The following SYNE1 variants were observed in gnomAD, a reference collection of about 807,000 sequenced individuals.
The protein encoded by SYNE1 is spectrin repeat containing nuclear envelope protein 1.
In SYNE1, 616 loss-of-function variants were observed where a neutral mutation model predicts 1,111.0. The observed-to-expected ratio is 0.55, with a 90% confidence interval of 0.52 to 0.59. SYNE1 has a LOEUF of 0.59. Ranked by LOEUF, SYNE1 falls within the 20% of genes least tolerant of loss-of-function variation. SYNE1 has a pLI of 0.00. For synonymous variants in SYNE1, 3,855 were observed against 3,825.8 expected (o/e 1.01, Z -0.28); for missense variants, 10,006 against 10,417.0 (o/e 0.96, Z 1.72).
chr6:152,365,633 T>C (rs1048236126), intron 62 of SYNE1, among the ~76,000 whole-genome samples: 1 of 146,884 alleles, frequency 6.8e-6, no homozygotes, highest in Non-Finnish European at 1.5e-5. Flanking sequence ...CTAATTTAAA[T>C]GTTTTTTTTT....
intron 127 of SYNE1, among the ~76,000 whole-genome samples, chr6:152,193,782 T>C (rs530399828): frequency 2.5e-4 from 38 of 151,998 alleles, no homozygotes; most frequent in South Asian, 8.3e-4. Flanking sequence ...GGGGCCAAGG[T>C]GGGCAGATCA....
At chr6:152,343,846 G>A (rs954655191) in intron 74 of SYNE1, among the ~76,000 whole-genome samples, 1 of 152,116 alleles carries the variant, frequency 6.6e-6, no homozygotes, top group Admixed American at 6.5e-5. Flanking sequence ...GGGATTGCAG[G>A]CATGAGCCAC....
chr6:152,301,781 C>T, intron 92 of SYNE1, 88 bp downstream of exon 92: 1 of 1,388,542 alleles, frequency 7.2e-7, no homozygotes, highest in East Asian at 2.4e-5. Context: ...AAGGCTGGTC[C>T]CTGAAATCAG....
chr6:152,335,929 T>C (rs1405045434), intron 76 of SYNE1: 2 of 152,030 alleles, frequency 1.3e-5, no homozygotes, highest in Non-Finnish European at 2.9e-5. Flanking sequence ...TCAAGTGATC[T>C]GCCCACCTCA....
rs758766276 is a variant in SYNE1, at chr6:152,180,336, G to A, written c.23302-42C>T. 3.1e-6 allele frequency: 5 copies of A among 1,597,712 alleles called. No homozygotes were observed. The East Asian group carries it at 1.1e-4, about 36-fold the overall frequency. On this transcript the variant is annotated intron_variant, in intron 128 of 145. Transcript: ENST00000367255. ...GGGAGAATAGGCAAAATGATTATCA[G>A]AGAGAAGACCACACTCCAAGGAAAA...
chr6:152,209,155 T>G (rs555517986), intron 124 of SYNE1, among the ~76,000 whole-genome samples: 18 of 152,236 alleles, frequency 1.2e-4, no homozygotes, highest in Non-Finnish European at 2.4e-4. Flanking sequence ...ACTTCTCTAT[T>G]ACAATAGTTT....
At chr6:152,568,693 C>T (rs1233616105) in intron 3 of SYNE1, among the ~76,000 whole-genome samples, 2 of 152,054 alleles carry the variant, frequency 1.3e-5, no homozygotes, top group African/African-American at 4.8e-5. Context: ...ACTGCAGCCT[C>T]CAACTCCTCG....
intron 127 of SYNE1, among the ~76,000 whole-genome samples, chr6:152,198,645 G>A (rs1351188094): frequency 6.6e-6 from 1 of 152,056 alleles, no homozygotes; most frequent in Non-Finnish European, 1.5e-5. Context: ...TGTATGAATT[G>A]GCCTAATTTC....
Position 152,284,029 on chromosome 6 carries a change from C to T in SYNE1, c.18156G>A (p.Glu6052=). 1 of 1,614,236 alleles carries T rather than the reference C, an allele frequency of 6.2e-7. No homozygotes were observed. Among genetic ancestry groups the T allele is most frequent in the Non-Finnish European group, 8.5e-7 (1 of 1,180,046 alleles). The change falls in exon 96 of 146, where the codon GAG becomes GAA. Residue 6052 remains glutamate, a synonymous_variant. Coordinates refer to ENST00000367255, the MANE Select transcript of SYNE1 (RefSeq NM_182961.4). ...ALQSTLTVLA[E]RMSTIRMKAS... ...CTTTCATCCTGATGGTGGACATTCG[C>T]TCGGCTAAGACAGTGAGCGTGGACT...
chr6:152,524,917 G>A (rs1366020540), intron 5 of SYNE1, among the ~76,000 whole-genome samples: 1 of 152,096 alleles, frequency 6.6e-6, no homozygotes, highest in African/African-American at 2.4e-5. Context: ...TTGGTTGAGG[G>A]TCCCTTGGTA....
chr6:152,246,949 T>C, intron 105 of SYNE1, among the ~76,000 whole-genome samples: 1 of 152,228 alleles, frequency 6.6e-6, no homozygotes, highest in South Asian at 2.1e-4. Context: ...GTGAACATGG[T>C]ATAAGAACAT....
At chr6:152,573,901 T>C (rs1479483998) in intron 3 of SYNE1, among the ~76,000 whole-genome samples, 3 of 152,160 alleles carry the variant, frequency 2.0e-5, no homozygotes, top group Non-Finnish European at 2.9e-5. Context: ...TACAGCATAA[T>C]AGCATCAAAG....
At chr6:152,589,909 C>A (rs897738056) in intron 3 of SYNE1, among the ~76,000 whole-genome samples, 40 of 149,364 alleles carry the variant, frequency 2.7e-4, no homozygotes, top group Non-Finnish European at 4.6e-4. Context: ...GGAACCAGAA[C>A]CAATTTGTCC....
At chr6:152,556,868 T>C (rs1246029800) in intron 3 of SYNE1, among the ~76,000 whole-genome samples, 1 of 152,134 alleles carries the variant, frequency 6.6e-6, no homozygotes, top group Admixed American at 6.5e-5. Flanking sequence ...TTCAAATGCA[T>C]AGGCACCAGC....
chr6:152,351,151 T>C (rs930873404), intron 70 of SYNE1, among the ~76,000 whole-genome samples: 4 of 152,252 alleles, frequency 2.6e-5, no homozygotes, highest in Non-Finnish European at 5.9e-5. Flanking sequence ...GTTTGAGCTA[T>C]TTATGGAGTT....
At chr6:152,463,244 C>T (rs983264215) in intron 19 of SYNE1, 109 bp downstream of exon 19, 3 of 1,480,988 alleles carry the variant, frequency 2.0e-6, no homozygotes, top group Non-Finnish European at 2.8e-6. Flanking sequence ...CATATCTATG[C>T]TTTGCCTTAA....
chr6:152,456,489 A>ATTAT (rs2098696981), intron 22 of SYNE1, among the ~76,000 whole-genome samples: 1 of 138,966 alleles, frequency 7.2e-6, no homozygotes, highest in Admixed American at 6.9e-5. Context: ...AAAGAGATGC[A>ATTAT]CTATATATAT....
At position 152,417,200 on chromosome 6, in the gene SYNE1, A is replaced by C. The variant is rs7738528; in HGVS notation, c.5422-185T>G. On this transcript the variant is annotated intron_variant, in intron 40 of 145. Transcript: ENST00000367255. ...CTGTTTTGCTGATCCACATTTGTTA[A>C]ATAAAACACAACTCTGGGCCAGGCG... Among the ~76,000 whole-genome samples the C allele has an allele frequency of 0.25, 37,784 of 152,088 alleles. 5,413 individuals carry two copies. The highest frequency in any genetic ancestry group is 0.38 in the African/African-American group (15,912 of 41,444).
At position 152,455,978 on chromosome 6, in the gene SYNE1, C is replaced by A. The variant is rs1357309384; in HGVS notation, c.2635G>T (p.Val879Phe). 2 of 1,614,000 alleles carry A rather than the reference C, an allele frequency of 1.2e-6. No individual in the cohort carries two copies. The highest frequency in any genetic ancestry group is 1.7e-6 in the Non-Finnish European group (2 of 1,180,010). ...TTGCTCAAGGTCACAAACTTTTGAA[C>A]ACTTTGACTGCCTTTCTCAATAAGT... ...LTLIEKGSQS[V>F]QKFVTLSNVL... Residue 879 changes from valine (V) to phenylalanine (F), a missense_variant, in exon 23 of 146, where the codon GTT becomes TTT. By Grantham distance (50) the Val-to-Phe change is conservative (BLOSUM62 -1). This residue lies in a region of SYNE1 where 1,971 missense variants were observed against 2,084.1 expected (regional missense o/e 0.95). Coordinates refer to ENST00000367255, the MANE Select transcript of SYNE1 (RefSeq NM_182961.4).
Sources: gnomAD v4.1 joint callset for allele counts (sites outside exome capture counted in the v4.1 genomes callset) on GRCh38, gnomAD v4.1.1 for gene constraint, gnomAD v4.1.1 regional missense constraint, MANE v1.5 for transcripts, NCBI Gene and HGNC (gene_info 2026-07-23, HGNC 2026-07-21) for gene names.